Variants in GRID2 observed in about 807,000 individuals in gnomAD.
GRID2 encodes the protein glutamate ionotropic receptor delta type subunit 2, also known as glutamate receptor ionotropic, delta-2.
A neutral mutation model predicts 114.8 loss-of-function variants in GRID2; 33 were observed. That is an observed-to-expected ratio of 0.29 (90% CI 0.22 to 0.38). The LOEUF is 0.38. Ranked by LOEUF, GRID2 falls within the 10% of genes least tolerant of loss-of-function variation. The pLI is 1.00. For missense variants in GRID2, 1,184 were observed against 1,257.7 expected, an observed-to-expected ratio of 0.94 and a Z score of 0.89; for synonymous variants, 505 against 449.9, an observed-to-expected ratio of 1.12 and a Z score of -1.55.
chr4:92,456,895 T>C (rs1317875723), intron 1 of GRID2, among the ~76,000 whole-genome samples: 4 of 152,168 alleles, frequency 2.6e-5, no homozygotes, highest in African/African-American at 9.6e-5. Flanking sequence ...TTTTTCTTCT[T>C]AAATAACAGG....
At chr4:93,593,070 A>C (rs908935039) in intron 13 of GRID2, among the ~76,000 whole-genome samples, 2 of 151,660 alleles carry the variant, frequency 1.3e-5, no homozygotes, top group Admixed American at 6.6e-5. Context: ...TAAAGTTAAT[A>C]GTGTTATGTG....
chr4:92,371,957 C>G (rs1729135403), intron 1 of GRID2, among the ~76,000 whole-genome samples: 1 of 152,024 alleles, frequency 6.6e-6, no homozygotes, highest in South Asian at 2.1e-4. Context: ...GATTCTAACC[C>G]TTATGGAAGC....
chr4:93,509,578 C>G (rs939195039), intron 12 of GRID2, among the ~76,000 whole-genome samples: 1 of 152,194 alleles, frequency 6.6e-6, no homozygotes, highest in Admixed American at 6.5e-5. Flanking sequence ...ATTAGTTCCT[C>G]TGCTCAATAG....
In GRID2 at chr4:92,993,946, T is replaced by G. The variant is rs76604958; in HGVS notation, c.245-91049T>G. On this transcript the variant is annotated intron_variant, in intron 2 of 15. Coordinates refer to ENST00000282020, the MANE Select transcript of GRID2 (RefSeq NM_001510.4). ...AAGATCTTTAAATTATAAACATTAC[T>G]GAATAGAACTGATTTGTTTTTCCAG... Among the ~76,000 whole-genome samples, 1,324 of 152,330 alleles carry G rather than the reference T, an allele frequency of 8.7e-3. 22 individuals are homozygous for G. The highest frequency in any genetic ancestry group is 0.03 in the African/African-American group (1,253 of 41,574).
At chr4:93,805,546 A>G (rs1578804520) in intron 1 of GRID2, among the ~76,000 whole-genome samples, 2 of 152,328 alleles carry the variant, frequency 1.3e-5, no homozygotes, top group South Asian at 4.1e-4. Flanking sequence ...AATTAGAAAC[A>G]CTCAGTCTTC....
chr4:93,485,933 A>C (rs1726347843), intron 11 of GRID2, among the ~76,000 whole-genome samples: 1 of 151,650 alleles, frequency 6.6e-6, no homozygotes, highest in African/African-American at 2.4e-5. Context: ...CACTGACTGA[A>C]TCTATAGATC....
chr4:93,753,192 A>T (rs1284565745), intron 14 of GRID2, among the ~76,000 whole-genome samples: 2 of 152,196 alleles, frequency 1.3e-5, no homozygotes, highest in African/African-American at 4.8e-5. Flanking sequence ...ATGTTTAAAA[A>T]ATATTTATTT....
chr4:92,514,116 AAC>A (rs1417343153), intron 1 of GRID2, among the ~76,000 whole-genome samples: 3 of 151,882 alleles, frequency 2.0e-5, no homozygotes, highest in Non-Finnish European at 4.4e-5. Context: ...TTCTTTACTA[AAC>A]TGCTTATATG....
chr4:92,600,142 CAA>C (rs962017178), intron 2 of GRID2, among the ~76,000 whole-genome samples: 128 of 140,188 alleles, frequency 9.1e-4, no homozygotes, highest in African/African-American at 3.3e-3. Context: ...GTTGACAAAT[CAA>C]AGTCAGAAAC....
At chr4:93,181,628 A>G (rs986914508) in intron 4 of GRID2, among the ~76,000 whole-genome samples, 4 of 152,196 alleles carry the variant, frequency 2.6e-5, no homozygotes, top group Non-Finnish European at 5.9e-5. Context: ...AACTTGCTGT[A>G]GCTTCTACAT....
chr4:92,590,618 TCTGAGATAA>T (rs1728666265), intron 2 of GRID2, among the ~76,000 whole-genome samples: 1 of 152,192 alleles, frequency 6.6e-6, no homozygotes, highest in East Asian at 1.9e-4. Flanking sequence ...TTTGGACTTC[TCTGAGATAA>T]CTGCCACCTT....
chr4:93,766,847 A>G (rs1013968010), intron 14 of GRID2, among the ~76,000 whole-genome samples: 1 of 152,168 alleles, frequency 6.6e-6, no homozygotes, highest in African/African-American at 2.4e-5. Flanking sequence ...GAAAATTTTT[A>G]ATGTACAATA....
intron 3 of GRID2, among the ~76,000 whole-genome samples, chr4:93,108,455 A>G (rs1277305789): frequency 6.6e-6 from 1 of 152,128 alleles, no homozygotes; most frequent in Non-Finnish European, 1.5e-5. Context: ...AGAATAAGTA[A>G]TCTGAAACTT....
intron 2 of GRID2, chr4:92,822,492 C>A (rs771012798): frequency 8.9e-5 from 38 of 425,986 alleles, no homozygotes; most frequent in Non-Finnish European, 1.6e-4. Context: ...CTGAGTGGCT[C>A]TCCACCTGGA....
chr4:93,545,382 G>A (rs796710302), intron 13 of GRID2, among the ~76,000 whole-genome samples: 59 of 152,206 alleles, frequency 3.9e-4, no homozygotes, highest in African/African-American at 1.3e-3. Flanking sequence ...GGAAGAGCTG[G>A]GTCAGAGAGA....
At chr4:93,611,003 G>C (rs1226835580) in intron 13 of GRID2, among the ~76,000 whole-genome samples, 2 of 131,146 alleles carry the variant, frequency 1.5e-5, no homozygotes, top group Admixed American at 1.5e-4. Flanking sequence ...CCTGTTATTG[G>C]TCTATTCAGA....
At chr4:93,497,733 G>A (rs531763362) in intron 12 of GRID2, among the ~76,000 whole-genome samples, 10 of 151,660 alleles carry the variant, frequency 6.6e-5, no homozygotes, top group Admixed American at 4.0e-4. Flanking sequence ...TCCCTCTGCC[G>A]GTAACACAGT....
chr4:93,539,760 T>A (rs1257606193), intron 13 of GRID2, among the ~76,000 whole-genome samples: 3 of 152,060 alleles, frequency 2.0e-5, no homozygotes, highest in Non-Finnish European at 4.4e-5. Context: ...TTCCATGGTA[T>A]CTAATATTTC....
At chr4:93,076,047 G>A (rs1359499499) in intron 2 of GRID2, among the ~76,000 whole-genome samples, 1 of 151,582 alleles carries the variant, frequency 6.6e-6, no homozygotes, top group Admixed American at 6.6e-5. Flanking sequence ...GGGACTACAG[G>A]CACCCGCCAC....
Sources: gnomAD v4.1 joint callset for allele counts (sites outside exome capture counted in the v4.1 genomes callset) on GRCh38, gnomAD v4.1.1 for gene constraint, MANE v1.5 for transcripts, NCBI Gene and HGNC (gene_info 2026-07-23, HGNC 2026-07-21) for gene names.